Variants in EYS observed in about 807,000 individuals in gnomAD.
EYS encodes the protein EGF-like photoreceptor maintenance factor.
A neutral mutation model predicts 282.1 loss-of-function variants in EYS; 250 were observed. That is an observed-to-expected ratio of 0.89 (90% CI 0.80 to 0.98). The LOEUF (loss-of-function observed/expected upper bound fraction) is 0.98. Among genes scored for constraint, EYS ranks in the 50% least tolerant of loss-of-function variants. The pLI, the probability that EYS is intolerant of heterozygous loss-of-function variation, is 0.00. For missense variants in EYS, 4,016 were observed against 3,709.0 expected (o/e 1.08, Z -2.15); for synonymous variants, 1,355 against 1,282.9 (o/e 1.06, Z -1.20).
intron 14 of EYS, among the ~76,000 whole-genome samples, chr6:64,976,070 A>C (rs1289688873): frequency 6.6e-6 from 1 of 151,956 alleles, no homozygotes; most frequent in Non-Finnish European, 1.5e-5. Context: ...ATAATGATAC[A>C]TAAGCATTTT....
intron 22 of EYS, among the ~76,000 whole-genome samples, chr6:64,723,822 C>G (rs759935526): frequency 6.6e-6 from 1 of 152,108 alleles, no homozygotes; most frequent in Non-Finnish European, 1.5e-5. Context: ...CACAGCCTCA[C>G]CCTGTTAACT....
chr6:64,116,353 A>T (rs1051610070), intron 31 of EYS, among the ~76,000 whole-genome samples: 4 of 152,118 alleles, frequency 2.6e-5, no homozygotes, highest in African/African-American at 4.8e-5. Flanking sequence ...GAATGGGGAG[A>T]TTTAAAATAC....
At chr6:64,347,804 C>A (rs1053591948) in intron 29 of EYS, among the ~76,000 whole-genome samples, 18 of 151,400 alleles carry the variant, frequency 1.2e-4, no homozygotes, top group African/African-American at 4.1e-4. Context: ...TACCTGGAAA[C>A]TCACTCAACT....
At chr6:65,193,852 G>A (rs535887451) in intron 12 of EYS, among the ~76,000 whole-genome samples, 29 of 151,888 alleles carry the variant, frequency 1.9e-4, no homozygotes, top group African/African-American at 6.5e-4. Flanking sequence ...CAAACCACCC[G>A]AGGACCAATG....
intron 19 of EYS, among the ~76,000 whole-genome samples, chr6:64,874,551 G>T (rs1229449805): frequency 6.6e-6 from 1 of 151,954 alleles, no homozygotes; most frequent in African/African-American, 2.4e-5. Context: ...ACTTAAGATG[G>T]GGGCTTGTGT....
At chr6:63,872,741 G>A (rs1215487480) in intron 35 of EYS, among the ~76,000 whole-genome samples, 1 of 151,948 alleles carries the variant, frequency 6.6e-6, no homozygotes, top group East Asian at 1.9e-4. Flanking sequence ...GCCTCCCAAA[G>A]TGCTGGGATT....
chr6:65,569,731 T>C (rs1450291405), intron 2 of EYS, among the ~76,000 whole-genome samples: 1 of 152,148 alleles, frequency 6.6e-6, no homozygotes. Context: ...TGATTCCCTC[T>C]GATTTTATCT....
intron 8 of EYS, among the ~76,000 whole-genome samples, chr6:65,381,369 G>C (rs1032613514): frequency 6.6e-6 from 1 of 152,060 alleles, no homozygotes; most frequent in South Asian, 2.1e-4. Context: ...CATAGGAACA[G>C]AAAAGCAAAC....
At chr6:64,086,310 C>G (rs1417142938) in intron 31 of EYS, among the ~76,000 whole-genome samples, 1 of 152,158 alleles carries the variant, frequency 6.6e-6, no homozygotes, top group Non-Finnish European at 1.5e-5. Context: ...TTCAACTGAA[C>G]TGTTGCAGTG....
chr6:65,259,947 A>T (rs1767573553), intron 12 of EYS, among the ~76,000 whole-genome samples: 1 of 152,086 alleles, frequency 6.6e-6, no homozygotes, highest in Admixed American at 6.6e-5. Flanking sequence ...GGAGAGTAGA[A>T]TCTCTTTAAT....
At chr6:65,650,174 C>T (rs1260213836) in intron 1 of EYS, among the ~76,000 whole-genome samples, 1 of 152,108 alleles carries the variant, frequency 6.6e-6, no homozygotes, top group Non-Finnish European at 1.5e-5. Context: ...TGAATGAAGG[C>T]AGGCAAAATA....
At chr6:64,203,640 T>C (rs920481538) in intron 31 of EYS, among the ~76,000 whole-genome samples, 2 of 152,006 alleles carry the variant, frequency 1.3e-5, no homozygotes, top group African/African-American at 2.4e-5. Context: ...TGACAGCTAA[T>C]AGGAGATGGA....
At chr6:64,073,320 ATG>A (rs1771656818) in intron 32 of EYS, among the ~76,000 whole-genome samples, 1 of 151,960 alleles carries the variant, frequency 6.6e-6, no homozygotes, top group African/African-American at 2.4e-5. Flanking sequence ...GACACTACTG[ATG>A]TGTTTCCATG....
At chr6:64,778,633 C>T (rs530057937) in intron 22 of EYS, among the ~76,000 whole-genome samples, 49 of 152,120 alleles carry the variant, frequency 3.2e-4, no homozygotes, top group East Asian at 1.5e-3. Flanking sequence ...AACATATTTT[C>T]GAAACACATT....
intron 26 of EYS, among the ~76,000 whole-genome samples, chr6:64,484,725 C>G (rs894951841): frequency 6.6e-6 from 1 of 151,406 alleles, no homozygotes; most frequent in Non-Finnish European, 1.5e-5. Context: ...TATTAAGTAC[C>G]CCAAATTCCA....
intron 26 of EYS, among the ~76,000 whole-genome samples, chr6:64,465,866 T>G (rs1049596605): frequency 6.6e-6 from 1 of 152,086 alleles, no homozygotes; most frequent in Admixed American, 6.5e-5. Context: ...GTTAAGAGAT[T>G]AATATCTAAA....
chr6:64,925,157 C>T (rs1028759073), intron 15 of EYS, among the ~76,000 whole-genome samples: 1 of 152,176 alleles, frequency 6.6e-6, no homozygotes, highest in Admixed American at 6.5e-5. Context: ...AAAGCCACTT[C>T]TTACATGGTA....
intron 29 of EYS, among the ~76,000 whole-genome samples, chr6:64,316,816 C>T (rs1769986301): frequency 6.6e-6 from 1 of 152,160 alleles, no homozygotes; most frequent in Admixed American, 6.5e-5. Context: ...TCAAACTATA[C>T]TACAAGGCTA....
intron 28 of EYS, among the ~76,000 whole-genome samples, chr6:64,421,695 G>C (rs906881526): frequency 2.6e-5 from 4 of 152,068 alleles, no homozygotes; most frequent in African/African-American, 9.7e-5. Flanking sequence ...CAGATTAAGA[G>C]CTTGCTCTTT....
Sources: allele counts gnomAD v4.1 joint callset (sites outside exome capture counted in the v4.1 genomes callset), GRCh38; gene constraint gnomAD v4.1.1; transcripts MANE v1.5; gene names NCBI Gene and HGNC (gene_info 2026-07-23, HGNC 2026-07-21).